Variants in DHCR24 observed in about 807,000 individuals in gnomAD.
The protein encoded by DHCR24 is 24-dehydrocholesterol reductase.
Under a neutral mutation model 61.2 loss-of-function variants are expected in DHCR24, and 28 were observed. That is an observed-to-expected ratio of 0.46 (90% CI 0.34 to 0.63). The LOEUF is 0.63. Among genes scored for constraint, DHCR24 ranks in the 20% least tolerant of loss-of-function variants. DHCR24 has a pLI of 0.01. For missense variants in DHCR24, 538 were observed against 679.1 expected, an observed-to-expected ratio of 0.79 and a Z score of 2.31; for synonymous variants, 261 against 275.9, an observed-to-expected ratio of 0.95 and a Z score of 0.54.
chr1:54,881,435 A>G (rs12032654), intron 2 of DHCR24, among the ~76,000 whole-genome samples: 40,353 of 152,130 alleles, frequency 0.27, 5,608 homozygotes, highest in East Asian at 0.39. Flanking sequence ...CAAAACCACA[A>G]TGAAATACCA....
At chr1:54,886,628 C>T (rs1647098200) in intron 1 of DHCR24, 2 of 1,484,614 alleles carry the variant, frequency 1.3e-6, no homozygotes, top group South Asian at 1.2e-5. Flanking sequence ...CTGAGTGCTT[C>T]GCACCTCCCC....
intron 2 of DHCR24, among the ~76,000 whole-genome samples, chr1:54,878,722 A>C (rs542890875): frequency 3.3e-5 from 5 of 152,206 alleles, no homozygotes; most frequent in Admixed American, 2.0e-4. Context: ...ATTGAGACCC[A>C]GTGGGATCAA....
Position 54,865,033 on chromosome 1 carries a change from C to G in DHCR24, c.1020+270G>C, listed in dbSNP as rs74774143. ...CTAGAGGCTAACCCTTCCTCAAGGG[C>G]GGAACAGGTCTGTGTTCCCCAAAGT... is the stretch of plus-strand genomic sequence containing the variant. On this transcript the variant is annotated intron_variant, in intron 6 of 8. Transcript: ENST00000371269. 0.076 allele frequency among the ~76,000 whole-genome samples: 11,563 copies of G among 152,232 alleles called. 540 individuals carry two copies. Among genetic ancestry groups the G allele is most frequent in the Admixed American group, 0.13 (1,952 of 15,298 alleles).
rs142980455 is a variant in DHCR24 at position 54,857,092 on chromosome 1, C to T, written c.1021-2858G>A. 2.6e-3 allele frequency among the ~76,000 whole-genome samples: 396 copies of T among 152,344 alleles called. 1 individual carries two copies. Among genetic ancestry groups the T allele is most frequent in the African/African-American group, 9.2e-3 (381 of 41,580 alleles). ...ATATCAGCTGAAACCATTCCTTTTCCAGTCTTAGCCTCAGAAAGTTCAAGT... is the reference window on the plus strand; with the variant it reads ...ATATCAGCTGAAACCATTCCTTTTCTAGTCTTAGCCTCAGAAAGTTCAAGT... On this transcript the variant is annotated intron_variant, in intron 6 of 8. Coordinates refer to ENST00000371269, the MANE Select transcript of DHCR24 (RefSeq NM_014762.4).
Position 54,853,590 on chromosome 1 carries a change from G to T in DHCR24, c.1241C>A (p.Pro414Gln), listed in dbSNP as rs200629656. The change falls in exon 8 of 9, where the codon CCG becomes CAG. Residue 414 changes from proline to glutamine, a missense_variant. Coordinates refer to ENST00000371269, the MANE Select transcript of DHCR24 (RefSeq NM_014762.4). Reference sequence around the variant, plus strand: ...GCCTGGCTGGCTGGGCAGGATGAACGGACACAGCCAGATGGGGTAGACCTG... The same window carrying T: ...GCCTGGCTGGCTGGGCAGGATGAACTGACACAGCCAGATGGGGTAGACCTG... ...DIHVYPIWLCPFILPSQPGLV... is the reference protein window; with the variant it reads ...DIHVYPIWLCQFILPSQPGLV... 5.0e-6 allele frequency: 8 copies of T among 1,613,782 alleles called. No individual in the cohort carries two copies. Among genetic ancestry groups the T allele is most frequent in the Non-Finnish European group, 6.8e-6 (8 of 1,179,958 alleles).
chr1:54,886,555 G>A, intron 1 of DHCR24: 2 of 1,313,070 alleles, frequency 1.5e-6, no homozygotes, highest in South Asian at 1.2e-5. Context: ...CCAATCTCTA[G>A]ACCCAGCTCC....
chr1:54,877,004 G>A (rs960447843), intron 2 of DHCR24, among the ~76,000 whole-genome samples: 8 of 151,740 alleles, frequency 5.3e-5, no homozygotes, highest in South Asian at 2.1e-4. Flanking sequence ...GAGGGCTTGC[G>A]GTCACAGGTA....
At chr1:54,863,170 G>A (rs1646948495) in intron 6 of DHCR24, among the ~76,000 whole-genome samples, 1 of 151,000 alleles carries the variant, frequency 6.6e-6, no homozygotes, top group Admixed American at 6.6e-5. Flanking sequence ...CCTGCTGGTT[G>A]GTTCAGCCTG....
intron 3 of DHCR24, among the ~76,000 whole-genome samples, chr1:54,875,653 T>C (rs1169925918): frequency 2.6e-5 from 4 of 152,138 alleles, no homozygotes. Flanking sequence ...AGAGAGACTA[T>C]ACTTATTCTG....
At chr1:54,866,509 A>G (rs1258452860) in intron 5 of DHCR24, among the ~76,000 whole-genome samples, 1 of 152,064 alleles carries the variant, frequency 6.6e-6, no homozygotes, top group Non-Finnish European at 1.5e-5. Flanking sequence ...CTGTTTGCCA[A>G]TTTGCTTTTT....
At chr1:54,875,250 G>A in intron 3 of DHCR24, 39 bp from the exon 4 acceptor site, 1 of 1,599,202 alleles carries the variant, frequency 6.3e-7, no homozygotes, top group South Asian at 1.1e-5. Flanking sequence ...AGGGAGAGCT[G>A]TGGGTACAGG....
In DHCR24 at chr1:54,862,936, C is replaced by T. The variant is rs928866197; in HGVS notation, c.1020+2367G>A. 1.5e-4 allele frequency among the ~76,000 whole-genome samples: 23 copies of T among 151,938 alleles called. 1 individual carries two copies. The highest frequency in any genetic ancestry group is 2.8e-4 in the Non-Finnish European group (19 of 67,996). ...CTAAAAATACAAAAAATTAGCTGGG[C>T]GTAGTGGTGGGCGCCTATAGTCCCA... On this transcript the variant is annotated intron_variant, in intron 6 of 8. Coordinates refer to ENST00000371269, the MANE Select transcript of DHCR24 (RefSeq NM_014762.4).
Position 54,886,999 on chromosome 1 carries a change from G to C in DHCR24, c.121C>G (p.Pro41Ala), listed in dbSNP as rs560866193. Residue 41 changes from proline to alanine, a missense_variant, in exon 1 of 9, where the codon CCG (proline) becomes GCG (alanine). Pro to Ala is a conservative substitution (Grantham distance 27). Transcript: ENST00000371269. ...TAGATATCGAAGATAAGCGAGAGCGGCAGGAGGAAGAGGCACACGAACACC... is the reference window on the plus strand; with the variant it reads ...TAGATATCGAAGATAAGCGAGAGCGCCAGGAGGAAGAGGCACACGAACACC... Reference protein sequence around the residue: ...RWVFVCLFLLPLSLIFDIYYY... With the variant: ...RWVFVCLFLLALSLIFDIYYY... The C allele has an allele frequency of 7.3e-5, 117 of 1,613,672 alleles. No individual in the cohort carries two copies. In the South Asian group the frequency reaches 1.3e-3, roughly 17 times the overall value.
At chr1:54,857,869 A>G (rs886431357) in intron 6 of DHCR24, among the ~76,000 whole-genome samples, 1 of 152,150 alleles carries the variant, frequency 6.6e-6, no homozygotes, top group Non-Finnish European at 1.5e-5. Flanking sequence ...AAGGGAAGTG[A>G]CTGGACCAGC....
chr1:54,885,918 C>T (rs1236722180), intron 1 of DHCR24, among the ~76,000 whole-genome samples: 1 of 152,162 alleles, frequency 6.6e-6, no homozygotes, highest in Non-Finnish European at 1.5e-5. Flanking sequence ...AAATCCAGAG[C>T]TACAGGGCAA....
intron 2 of DHCR24, 32 bp from the exon 3 acceptor site, chr1:54,876,079 A>G: frequency 6.3e-7 from 1 of 1,584,028 alleles, no homozygotes; most frequent in Non-Finnish European, 8.7e-7. Context: ...CCCTGGGTCA[A>G]AAGGAGGCTG....
At chr1:54,879,194 C>T (rs1276565362) in intron 2 of DHCR24, among the ~76,000 whole-genome samples, 1 of 151,896 alleles carries the variant, frequency 6.6e-6, no homozygotes, top group Non-Finnish European at 1.5e-5. Context: ...TGGTGCGCAT[C>T]TGTAATCCCA....
intron 4 of DHCR24, among the ~76,000 whole-genome samples, chr1:54,872,892 T>C (rs559227729): frequency 2.6e-4 from 39 of 152,308 alleles, no homozygotes; most frequent in African/African-American, 8.4e-4. Flanking sequence ...GAGTCTTTCC[T>C]TGGGCCCTCT....
intron 6 of DHCR24, among the ~76,000 whole-genome samples, chr1:54,863,013 A>T (rs1646947135): frequency 6.9e-6 from 1 of 144,902 alleles, no homozygotes; most frequent in African/African-American, 2.6e-5. Flanking sequence ...GAAGCGGAGC[A>T]TGCAGTGGGC....
Sources: allele counts gnomAD v4.1 joint callset (sites outside exome capture counted in the v4.1 genomes callset), GRCh38; gene constraint gnomAD v4.1.1; transcripts MANE v1.5; gene names NCBI Gene and HGNC (gene_info 2026-07-23, HGNC 2026-07-21).